R3HDM1: variants seen among roughly 807,000 people sequenced by gnomAD.
The protein encoded by R3HDM1 is R3H domain-containing protein 1.
A neutral mutation model predicts 141.1 loss-of-function variants in R3HDM1; 46 were observed. The ratio of observed to expected loss-of-function variants is 0.33; its 90% confidence interval spans 0.26 to 0.42. The LOEUF (loss-of-function observed/expected upper bound fraction) is 0.42, where lower values mean the gene tolerates loss of function less well. Ranked by LOEUF, R3HDM1 falls within the 10% of genes least tolerant of loss-of-function variation. R3HDM1 has a pLI of 1.00. For synonymous variants in R3HDM1, 435 were observed against 472.9 expected (o/e 0.92, Z 1.04); for missense variants, 1,184 against 1,368.3 (o/e 0.87, Z 2.12).
chr2:135,654,061 G>C (rs1164624665), intron 18 of R3HDM1, among the ~76,000 whole-genome samples: 1 of 152,048 alleles, frequency 6.6e-6, no homozygotes, highest in Admixed American at 6.6e-5. Flanking sequence ...CACCACTTCT[G>C]TTTGGTTCCA....
intron 1 of R3HDM1, among the ~76,000 whole-genome samples, chr2:135,533,088 C>G (rs918168001): frequency 2.6e-5 from 4 of 152,182 alleles, no homozygotes; most frequent in African/African-American, 7.2e-5. Flanking sequence ...AACTAGTACA[C>G]CTAGTTACAG....
chr2:135,637,122 A>T (rs920761222), intron 11 of R3HDM1, among the ~76,000 whole-genome samples: 4 of 152,190 alleles, frequency 2.6e-5, no homozygotes, highest in Non-Finnish European at 5.9e-5. Context: ...TATAAGATAG[A>T]TGAGGTATCT....
intron 22 of R3HDM1, 53 bp downstream of exon 22, chr2:135,709,589 G>C: frequency 6.3e-7 from 1 of 1,594,632 alleles, no homozygotes; most frequent in South Asian, 1.1e-5. Flanking sequence ...GAAATAGTTC[G>C]ATTACTTTCC....
At chr2:135,684,073 T>C (rs1015701122) in intron 21 of R3HDM1, among the ~76,000 whole-genome samples, 1 of 151,664 alleles carries the variant, frequency 6.6e-6, no homozygotes, top group Non-Finnish European at 1.5e-5. Context: ...CATATTTCTT[T>C]TGTTTTGTTT....
intron 19 of R3HDM1, among the ~76,000 whole-genome samples, chr2:135,664,091 T>G (rs1158010876): frequency 6.6e-6 from 1 of 151,814 alleles, no homozygotes; most frequent in East Asian, 1.9e-4. Flanking sequence ...TGTGCCCTAG[T>G]GTAGAAAAGT....
chr2:135,723,011 A>G (rs1377366069), intron 26 of R3HDM1, among the ~76,000 whole-genome samples: 1 of 152,236 alleles, frequency 6.6e-6, no homozygotes, highest in Non-Finnish European at 1.5e-5. Context: ...TGAAGTTCAG[A>G]AAAATGTTTG....
At chr2:135,582,358 T>G (rs1416475946) in intron 1 of R3HDM1, among the ~76,000 whole-genome samples, 1 of 152,196 alleles carries the variant, frequency 6.6e-6, no homozygotes. Flanking sequence ...AATTATTTAG[T>G]CAATGGTTTT....
intron 9 of R3HDM1, among the ~76,000 whole-genome samples, chr2:135,634,493 A>T (rs906459995): frequency 2.0e-5 from 3 of 152,098 alleles, no homozygotes; most frequent in African/African-American, 7.2e-5. Flanking sequence ...ATACAAAAAA[A>T]ATTAGCTGGG....
intron 25 of R3HDM1, 106 bp from the exon 26 acceptor site, chr2:135,722,363 A>G: frequency 8.7e-7 from 1 of 1,155,654 alleles, no homozygotes; most frequent in Non-Finnish European, 1.2e-6. Flanking sequence ...CTTCTGCCAG[A>G]GTGCAAAACC....
chr2:135,563,053 T>G (rs1212415672), intron 1 of R3HDM1, among the ~76,000 whole-genome samples: 1 of 152,228 alleles, frequency 6.6e-6, no homozygotes, highest in African/African-American at 2.4e-5. Context: ...TGTTTACCAT[T>G]TTTGGCAATG....
chr2:135,538,207 C>T (rs1696652459), intron 1 of R3HDM1, among the ~76,000 whole-genome samples: 1 of 152,110 alleles, frequency 6.6e-6, no homozygotes. Context: ...ATTCTAACAC[C>T]ATGGTTAAGT....
At chr2:135,587,317 G>A (rs1287748591) in intron 1 of R3HDM1, among the ~76,000 whole-genome samples, 3 of 152,010 alleles carry the variant, frequency 2.0e-5, no homozygotes. Flanking sequence ...TTTTTATCTG[G>A]AATTAGCTGA....
At chr2:135,566,092 A>AT (rs1404039843) in intron 1 of R3HDM1, among the ~76,000 whole-genome samples, 2 of 152,212 alleles carry the variant, frequency 1.3e-5, no homozygotes, top group Non-Finnish European at 2.9e-5. Flanking sequence ...CCCAACAGAT[A>AT]TATTTGAAAC....
At chr2:135,546,650 T>C (rs577066596) in intron 1 of R3HDM1, among the ~76,000 whole-genome samples, 1 of 152,108 alleles carries the variant, frequency 6.6e-6, no homozygotes, top group South Asian at 2.1e-4. Context: ...CAGACCATGA[T>C]GTTATCTGTG....
chr2:135,715,304 A>G (rs1173775876), intron 23 of R3HDM1, among the ~76,000 whole-genome samples: 1 of 152,134 alleles, frequency 6.6e-6, no homozygotes, highest in Non-Finnish European at 1.5e-5. Flanking sequence ...CCTGGGAGGC[A>G]GAGCTTGCAG....
chr2:135,720,635 G>A (rs750469345), intron 24 of R3HDM1, among the ~76,000 whole-genome samples: 13 of 152,186 alleles, frequency 8.5e-5, no homozygotes, highest in South Asian at 2.1e-4. Flanking sequence ...GAATACTTAC[G>A]AATAATGACA....
At chr2:135,659,244 C>T (rs1039206222) in intron 18 of R3HDM1, among the ~76,000 whole-genome samples, 4 of 151,866 alleles carry the variant, frequency 2.6e-5, no homozygotes, top group African/African-American at 9.7e-5. Flanking sequence ...ACTACAGACA[C>T]GCACATCACA....
chr2:135,564,208 A>G (rs1161278445), intron 1 of R3HDM1, among the ~76,000 whole-genome samples: 1 of 152,242 alleles, frequency 6.6e-6, no homozygotes, highest in East Asian at 1.9e-4. Context: ...CCTAGACAGT[A>G]AGTTATATGC....
In R3HDM1 at chr2:135,638,619, C is replaced by G. The variant is rs1285795928; in HGVS notation, c.905C>G (p.Ser302Cys). The change falls in exon 12 of 27, where the codon TCC becomes TGC. Residue 302 changes from serine (S) to cysteine (C), a missense_variant and splice_region_variant. Physicochemically the swap from Ser to Cys is moderately radical, Grantham distance 112. Coordinates refer to ENST00000683871, the MANE Select transcript of R3HDM1 (RefSeq NM_001378107.1). ...RARDRIFSQD[S>C]LCSQENYIID... ...TTTTGTATCTATTCTTTTTTCTAGT[C>G]CCTGTGTTCCCAAGAGAATTACATT... The G allele has an allele frequency of 2.5e-6, 4 of 1,606,800 alleles. No individual in the cohort carries two copies. The highest frequency in any genetic ancestry group is 3.4e-6 in the Non-Finnish European group (4 of 1,174,166).
Sources: allele counts gnomAD v4.1 joint callset (sites outside exome capture counted in the v4.1 genomes callset), GRCh38; gene constraint gnomAD v4.1.1; transcripts MANE v1.5; gene names NCBI Gene and HGNC (gene_info 2026-07-23, HGNC 2026-07-21).